Variants in TMEM132D observed in about 807,000 individuals in gnomAD.
TMEM132D encodes transmembrane protein 132D.
TMEM132D carries 21 observed loss-of-function variants against 62.3 expected under a neutral mutation model. The observed-to-expected ratio is 0.34, with a 90% CI of 0.24 to 0.49. The LOEUF (loss-of-function observed/expected upper bound fraction) is 0.49, where lower values mean the gene tolerates loss of function less well. TMEM132D is among the 20% of genes least tolerant of loss of function. The probability of loss-of-function intolerance (pLI) is 0.99; values close to 1 mark genes in which losing one functional copy is unlikely to be tolerated. For missense variants in TMEM132D, 1,346 were observed against 1,402.8 expected (o/e 0.96, Z 0.65); for synonymous variants, 621 against 575.6 (o/e 1.08, Z -1.13).
intron 1 of TMEM132D, among the ~76,000 whole-genome samples, chr12:129,806,446 A>G (rs1565992601): frequency 7.5e-6 from 1 of 133,646 alleles, no homozygotes; most frequent in Non-Finnish European, 1.6e-5. Flanking sequence ...CGCAAGAACA[A>G]AAAACCAAAC....
intron 4 of TMEM132D, among the ~76,000 whole-genome samples, chr12:129,303,867 C>T (rs1881779182): frequency 6.6e-6 from 1 of 152,060 alleles, no homozygotes; most frequent in Non-Finnish European, 1.5e-5. Flanking sequence ...TCTGTGTCTA[C>T]AGACCTGAGA....
chr12:129,343,870 G>T (rs1296144558), intron 3 of TMEM132D, among the ~76,000 whole-genome samples: 1 of 152,188 alleles, frequency 6.6e-6, no homozygotes, highest in Non-Finnish European at 1.5e-5. Context: ...GGCAGAGGTT[G>T]CAGTGAACTG....
In TMEM132D at chr12:129,504,834, T is replaced by C. The variant is rs141102748; in HGVS notation, c.1115+26225A>G. ...GTCTGCTGTGCTCTTTCAGACTTCT[T>C]GATGTAGACATTTAGGGCTATGAAC... On this transcript the variant is annotated intron_variant, in intron 3 of 8. Transcript: ENST00000422113. Among the ~76,000 whole-genome samples, 230 of 152,306 alleles carry C rather than the reference T, an allele frequency of 1.5e-3. 1 individual carries two copies. Among genetic ancestry groups the C allele is most frequent in the African/African-American group, 4.5e-3 (187 of 41,572 alleles).
At chr12:129,615,613 T>TAAAG (rs1407944167) in intron 2 of TMEM132D, among the ~76,000 whole-genome samples, 1 of 142,216 alleles carries the variant, frequency 7.0e-6, no homozygotes, top group Non-Finnish European at 1.5e-5. Flanking sequence ...ACAAAAAAAC[T>TAAAG]AAAGAAAAAT....
At chr12:129,841,935 T>A (rs1321258636) in intron 1 of TMEM132D, among the ~76,000 whole-genome samples, 2 of 147,532 alleles carry the variant, frequency 1.4e-5, no homozygotes, top group Non-Finnish European at 3.0e-5. Context: ...GTTTTCGTGT[T>A]TTTTTTTTTT....
At chr12:129,580,968 A>G (rs11060447) in intron 2 of TMEM132D, among the ~76,000 whole-genome samples, 17,023 of 152,156 alleles carry the variant, frequency 0.11, 1,510 homozygotes, top group East Asian at 0.53. Context: ...CACGGACAAC[A>G]TTACTGGCAA....
intron 4 of TMEM132D, among the ~76,000 whole-genome samples, chr12:129,296,346 T>C (rs1462201372): frequency 6.6e-6 from 1 of 152,188 alleles, no homozygotes; most frequent in Non-Finnish European, 1.5e-5. Context: ...AAAGGCAAAA[T>C]GGAAAAACAA....
rs181212585 is a variant in TMEM132D, at chr12:129,893,222, A to G, written c.79+10039T>C. 1.4e-4 allele frequency among the ~76,000 whole-genome samples: 22 copies of G among 152,220 alleles called. No homozygotes were observed. The East Asian group carries it at 4.1e-3, about 28-fold the overall frequency. ...TGGGCTAGTTATTTCAGATTCCTGT[A>G]CCTCAATTTTTGCCTCTGTAAAATG... is the stretch of plus-strand genomic sequence containing the variant. On this transcript the variant is annotated intron_variant, in intron 1 of 8. Coordinates refer to ENST00000422113, the MANE Select transcript of TMEM132D (RefSeq NM_133448.3).
intron 5 of TMEM132D, chr12:129,085,241 T>C (rs77951254): frequency 0.013 from 2,000 of 156,890 alleles, 56 homozygotes; most frequent in African/African-American, 0.046. Flanking sequence ...TTCTACTGTC[T>C]TCACTCCCAT....
chr12:129,350,440 A>T (rs1869827435), intron 3 of TMEM132D, among the ~76,000 whole-genome samples: 1 of 152,236 alleles, frequency 6.6e-6, no homozygotes, highest in Non-Finnish European at 1.5e-5. Flanking sequence ...CCTGTCTCTT[A>T]TGAAGTCCCA....
intron 2 of TMEM132D, among the ~76,000 whole-genome samples, chr12:129,576,514 A>C (rs150005032): frequency 6.6e-6 from 1 of 151,984 alleles, no homozygotes; most frequent in African/African-American, 2.4e-5. Context: ...AAATATATAC[A>C]CATATATGTG....
chr12:129,492,788 C>T (rs1874838549), intron 3 of TMEM132D, among the ~76,000 whole-genome samples: 1 of 152,132 alleles, frequency 6.6e-6, no homozygotes, highest in Non-Finnish European at 1.5e-5. Context: ...CCTCAAGTCA[C>T]TAAGGTCTAC....
chr12:129,235,701 C>A (rs1390730834), intron 4 of TMEM132D, among the ~76,000 whole-genome samples: 1 of 151,996 alleles, frequency 6.6e-6, no homozygotes, highest in African/African-American at 2.4e-5. Context: ...GTCTTCATTT[C>A]TTTTTGAAGG....
Position 129,226,191 on chromosome 12 carries a change from T to C in TMEM132D, c.1300-16528A>G, listed in dbSNP as rs537566392. Among the ~76,000 whole-genome samples, 14 of 152,344 alleles carry C rather than the reference T, an allele frequency of 9.2e-5. No individual in the cohort carries two copies. The East Asian group carries it at 2.5e-3, about 27-fold the overall frequency. On this transcript the variant is annotated intron_variant, in intron 4 of 8. Transcript: ENST00000422113. The stretch of plus-strand genomic sequence containing the variant: ...GACCAGTGAACTCTCAGTGAAGCAT[T>C]GGAGGCTTGCGATAAGAAAGGGTGA...
At chr12:129,282,429 T>A (rs896086311) in intron 4 of TMEM132D, among the ~76,000 whole-genome samples, 1 of 152,166 alleles carries the variant, frequency 6.6e-6, no homozygotes, top group African/African-American at 2.4e-5. Context: ...CAGCTCCCAA[T>A]GGCATAGCAG....
At chr12:129,899,866 A>T (rs76744478) in intron 1 of TMEM132D, among the ~76,000 whole-genome samples, 37 of 132,390 alleles carry the variant, frequency 2.8e-4, no homozygotes, top group African/African-American at 9.5e-4. Flanking sequence ...AAAAAGCCAC[A>T]CTCTCTCTCT....
chr12:129,093,320 A>G (rs555147967), intron 5 of TMEM132D, among the ~76,000 whole-genome samples: 1 of 152,290 alleles, frequency 6.6e-6, no homozygotes, highest in East Asian at 1.9e-4. Context: ...TAAGCTGATA[A>G]GCAACTTCAG....
chr12:129,233,601 T>G (rs1446065030), intron 4 of TMEM132D, among the ~76,000 whole-genome samples: 2 of 152,098 alleles, frequency 1.3e-5, no homozygotes, highest in East Asian at 3.9e-4. Context: ...TATTATTAAT[T>G]TTTATTTTTT....
At chr12:129,295,973 G>A (rs1406310476) in intron 4 of TMEM132D, among the ~76,000 whole-genome samples, 2 of 151,780 alleles carry the variant, frequency 1.3e-5, no homozygotes, top group African/African-American at 4.8e-5. Flanking sequence ...AAAATACGAA[G>A]GGCCAACTAT....
Sources: allele counts gnomAD v4.1 joint callset (sites outside exome capture counted in the v4.1 genomes callset), GRCh38; gene constraint gnomAD v4.1.1; transcripts MANE v1.5; gene names NCBI Gene and HGNC (gene_info 2026-07-23, HGNC 2026-07-21).